PKD1L1: variants seen among roughly 807,000 people sequenced by gnomAD.
PKD1L1 encodes polycystin 1 like 1, transient receptor potential channel interacting, also known as polycystin-1-like protein 1.
PKD1L1 carries 236 observed loss-of-function variants against 323.4 expected under a neutral mutation model. The ratio of observed to expected loss-of-function variants is 0.73; its 90% confidence interval spans 0.66 to 0.81. PKD1L1 has a LOEUF of 0.81. PKD1L1 is among the 40% of genes least tolerant of loss of function. The pLI is 0.00. For missense variants in PKD1L1, 3,320 were observed against 3,508.0 expected, an observed-to-expected ratio of 0.95 and a Z score of 1.35; for synonymous variants, 1,344 against 1,335.0, an observed-to-expected ratio of 1.01 and a Z score of -0.15.
intron 9 of PKD1L1, among the ~76,000 whole-genome samples, chr7:47,906,317 T>C (rs1401394926): frequency 6.6e-6 from 1 of 152,220 alleles, no homozygotes; most frequent in Non-Finnish European, 1.5e-5. Context: ...AGTTCTTAAA[T>C]AGGGGTCTAA....
At position 47,805,488 on chromosome 7, in the gene PKD1L1, C is replaced by T. The variant is rs377331220; in HGVS notation, c.7828-2144G>A. Among the ~76,000 whole-genome samples the T allele has an allele frequency of 6.9e-4, 105 of 152,298 alleles. 1 individual carries two copies. Among genetic ancestry groups the T allele is most frequent in the African/African-American group, 2.2e-3 (91 of 41,570 alleles). ...CAGAAGTGGAATTAGGAGGGAAAGCCGTAGTGTGGGCAGAGGCCAAGGTGC... is the reference window on the plus strand; with the variant it reads ...CAGAAGTGGAATTAGGAGGGAAAGCTGTAGTGTGGGCAGAGGCCAAGGTGC... On this transcript the variant is annotated intron_variant, in intron 52 of 56. Transcript: ENST00000289672.
intron 26 of PKD1L1, among the ~76,000 whole-genome samples, chr7:47,860,850 T>C (rs1786007728): frequency 6.6e-6 from 1 of 152,132 alleles, no homozygotes; most frequent in South Asian, 2.1e-4. Context: ...CTCTACCAGA[T>C]TCATGCTCTG....
chr7:47,884,778 C>T, intron 18 of PKD1L1, 121 bp from the exon 19 acceptor site: 1 of 792,200 alleles, frequency 1.3e-6, no homozygotes, highest in Non-Finnish European at 2.1e-6. Context: ...ATACATTGCT[C>T]TGTGGATTAC....
chr7:47,955,638 A>G, the PKD1L1 span, among the ~76,000 whole-genome samples: 1 of 152,328 alleles, frequency 6.6e-6, no homozygotes, highest in Non-Finnish European at 1.5e-5. Context: ...ACCAATCCCC[A>G]ATTAATTCAT....
chr7:47,907,432 A>G (rs914379525), intron 9 of PKD1L1, among the ~76,000 whole-genome samples: 1 of 152,130 alleles, frequency 6.6e-6, no homozygotes, highest in African/African-American at 2.4e-5. Context: ...TCCCACCCCC[A>G]ATGGCCTCTG....
chr7:47,854,917 A>T lies in PKD1L1; in HGVS notation c.4824T>A (p.Pro1608=). Residue 1608 remains proline (P), a synonymous_variant, in exon 30 of 57, where the codon CCT becomes CCA. Transcript: ENST00000289672. ...SLQIEIEFSK[P]VTRAFPVMLL... is the part of the protein sequence containing the mutation. ...ACATGACGGGAAATGCCCTTGTAACAGGTTTGGAAAATTCAATTTCTATCT... is the reference window on the plus strand; with the variant it reads ...ACATGACGGGAAATGCCCTTGTAACTGGTTTGGAAAATTCAATTTCTATCT... 2.5e-6 allele frequency: 4 copies of T among 1,614,074 alleles called. No homozygotes were observed. Among genetic ancestry groups the T allele is most frequent in the Non-Finnish European group, 3.4e-6 (4 of 1,180,018 alleles).
At chr7:47,937,031 T>C in intron 3 of PKD1L1, 73 bp from the exon 4 acceptor site, 1 of 1,200,442 alleles carries the variant, frequency 8.3e-7, no homozygotes, top group Non-Finnish European at 1.2e-6. Flanking sequence ...AAAGTAATAT[T>C]ACTTCATTAA....
intron 3 of PKD1L1, among the ~76,000 whole-genome samples, chr7:47,939,823 G>A (rs938930159): frequency 2.0e-5 from 3 of 149,528 alleles, no homozygotes; most frequent in Non-Finnish European, 4.5e-5. Context: ...CCCACTCCCC[G>A]CTTGAGGGGC....
At chr7:47,860,383 C>G (rs1388629028) in intron 26 of PKD1L1, among the ~76,000 whole-genome samples, 1 of 152,182 alleles carries the variant, frequency 6.6e-6, no homozygotes, top group Non-Finnish European at 1.5e-5. Context: ...ACAGACTAAT[C>G]TTTTTCTTCT....
At chr7:47,844,257 C>G (rs1443836624) in intron 33 of PKD1L1, among the ~76,000 whole-genome samples, 1 of 152,192 alleles carries the variant, frequency 6.6e-6, no homozygotes, top group Non-Finnish European at 1.5e-5. Flanking sequence ...TACTAATTAT[C>G]TGGTCCACCA....
chr7:47,786,532 A>G (rs1283241905), intron 56 of PKD1L1, among the ~76,000 whole-genome samples: 1 of 152,208 alleles, frequency 6.6e-6, no homozygotes, highest in African/African-American at 2.4e-5. Flanking sequence ...GGTAGGTGCT[A>G]AGGAATTACA....
chr7:47,804,686 T>C (rs1367437877), intron 52 of PKD1L1, among the ~76,000 whole-genome samples: 2 of 152,180 alleles, frequency 1.3e-5, no homozygotes, highest in African/African-American at 4.8e-5. Context: ...CATTTCACCA[T>C]GTTGCTCAGG....
chr7:47,780,313 C>A (rs945737669), intron 56 of PKD1L1, among the ~76,000 whole-genome samples: 1 of 152,108 alleles, frequency 6.6e-6, no homozygotes, highest in African/African-American at 2.4e-5. Flanking sequence ...AACTGCTTCC[C>A]TTGTCTATAA....
rs985921113 is a variant in PKD1L1, at chr7:47,807,286, G to A, written c.7827+961C>T. On this transcript the variant is annotated intron_variant, in intron 52 of 56. Coordinates refer to ENST00000289672, the MANE Select transcript of PKD1L1 (RefSeq NM_138295.5). Reference sequence around the variant, plus strand: ...AAAATGATCTCCAACAAAGAGGCAGGGACTGGGGCACTGGTGGAGGAAGCA... The same window carrying A: ...AAAATGATCTCCAACAAAGAGGCAGAGACTGGGGCACTGGTGGAGGAAGCA... Among the ~76,000 whole-genome samples, 4 of 152,040 alleles carry A rather than the reference G, an allele frequency of 2.6e-5. No homozygotes were observed. In the East Asian group the frequency reaches 7.8e-4, roughly 30 times the overall value.
At chr7:47,793,373 T>C (rs1334459251) in intron 55 of PKD1L1, among the ~76,000 whole-genome samples, 2 of 152,054 alleles carry the variant, frequency 1.3e-5, no homozygotes, top group South Asian at 2.1e-4. Context: ...GGGGAGGTAA[T>C]TGAATCATGG....
chr7:47,921,903 T>G, intron 7 of PKD1L1, among the ~76,000 whole-genome samples: 2 of 75,728 alleles, frequency 2.6e-5, no homozygotes, highest in South Asian at 5.0e-4. Flanking sequence ...CCCCCTCCCC[T>G]TCCCTTTCCC....
chr7:47,797,114 C>T (rs1784559472), intron 54 of PKD1L1, among the ~76,000 whole-genome samples: 1 of 152,188 alleles, frequency 6.6e-6, no homozygotes. Context: ...TGTTATAAGG[C>T]CCCAAGCTGC....
intron 48 of PKD1L1, 149 bp downstream of exon 48, chr7:47,813,782 G>A (rs543211410): frequency 5.8e-6 from 4 of 689,450 alleles, no homozygotes; most frequent in Admixed American, 5.0e-5. Flanking sequence ...GGCGAGGCTC[G>A]CCCTCTCCCC....
chr7:47,930,978 G>C, intron 6 of PKD1L1, 126 bp downstream of exon 6: 1 of 985,826 alleles, frequency 1.0e-6, no homozygotes, highest in South Asian at 1.7e-5. Context: ...AAAGTCACTG[G>C]ACTCAACTGC....
Sources: gnomAD v4.1 joint callset for allele counts (sites outside exome capture counted in the v4.1 genomes callset) on GRCh38, gnomAD v4.1.1 for gene constraint, MANE v1.5 for transcripts, NCBI Gene and HGNC (gene_info 2026-07-23, HGNC 2026-07-21) for gene names.